Variants in HMGA2 observed in about 807,000 individuals in gnomAD.
HMGA2 encodes high mobility group AT-hook 2.
Under a neutral mutation model 19.1 loss-of-function variants are expected in HMGA2, and 8 were observed. That is an observed-to-expected ratio of 0.42 (90% CI 0.25 to 0.76). The LOEUF (loss-of-function observed/expected upper bound fraction) is 0.76. HMGA2 is among the 30% of genes least tolerant of loss of function. The pLI is 0.28. For missense variants in HMGA2, 109 were observed against 136.3 expected, an observed-to-expected ratio of 0.80 and a Z score of 1.00; for synonymous variants, 60 against 48.8, an observed-to-expected ratio of 1.23 and a Z score of -0.96.
At chr12:65,903,523 A>T (rs1273756793) in intron 3 of HMGA2, among the ~76,000 whole-genome samples, 1 of 152,260 alleles carries the variant, frequency 6.6e-6, no homozygotes, top group African/African-American at 2.4e-5. Context: ...CAGAATGAAC[A>T]TACTGAGACA....
At chr12:65,892,899 G>A (rs538975605) in intron 3 of HMGA2, among the ~76,000 whole-genome samples, 5 of 152,150 alleles carry the variant, frequency 3.3e-5, no homozygotes, top group South Asian at 4.1e-4. Flanking sequence ...TCTTTCAAGC[G>A]GCGGAAACCT....
At position 65,964,299 on chromosome 12, in the gene HMGA2, A is replaced by AGGG. The variant is rs1555189598; in HGVS notation, c.*1007_*1008insGGG. 2 of 206,128 alleles carry AGGG rather than the reference A, an allele frequency of 9.7e-6. No individual in the cohort carries two copies. The highest frequency in any genetic ancestry group is 2.0e-5 in the Non-Finnish European group (2 of 102,224). 12.8% of individuals were successfully genotyped at this position (206,128 alleles called of 1,614,324 possible). ...ATCAATTTAAAAAGCAAAAAAAAAA[A>AGGG]AGGGGGGGGCAATCTCTCTCTGTGT... On this transcript the variant is annotated 3_prime_UTR_variant, in exon 5 of 5. Coordinates refer to ENST00000403681, the MANE Select transcript of HMGA2 (RefSeq NM_003483.6).
At chr12:65,846,850 T>C (rs192490510) in intron 3 of HMGA2, among the ~76,000 whole-genome samples, 1 of 152,274 alleles carries the variant, frequency 6.6e-6, no homozygotes, top group East Asian at 1.9e-4. Context: ...GAATTTATAG[T>C]CTGGGGAGCT....
intron 3 of HMGA2, among the ~76,000 whole-genome samples, chr12:65,926,954 T>C (rs1282171748): frequency 6.6e-6 from 1 of 152,204 alleles, no homozygotes. Context: ...CATGCAGTAA[T>C]CAGGGGTCTT....
chr12:65,835,630 T>A (rs1870682974), intron 2 of HMGA2, among the ~76,000 whole-genome samples: 1 of 152,202 alleles, frequency 6.6e-6, no homozygotes, highest in African/African-American at 2.4e-5. Context: ...TTAAAAGTCA[T>A]CTTATTTGCA....
rs114751485 is a variant in HMGA2 at position 65,875,841 on chromosome 12, T to C, written c.249+37272T>C. Among the ~76,000 whole-genome samples, 520 of 152,088 alleles carry C rather than the reference T, an allele frequency of 3.4e-3. 2 individuals are homozygous for C. Among genetic ancestry groups the C allele is most frequent in the African/African-American group, 0.012 (499 of 41,542 alleles). On this transcript the variant is annotated intron_variant, in intron 3 of 4. Coordinates refer to ENST00000403681, the MANE Select transcript of HMGA2 (RefSeq NM_003483.6). ...CAACTTGGTGGATGTTTTTCTTTTTTTATTTGCTTTTTTTCTTTGAATTAT... is the reference window on the plus strand; with the variant it reads ...CAACTTGGTGGATGTTTTTCTTTTTCTATTTGCTTTTTTTCTTTGAATTAT...
rs796392228 is a variant in HMGA2 at position 65,902,494 on chromosome 12, AC to A, written c.250-48885del. On this transcript the variant is annotated intron_variant, in intron 3 of 4. Transcript: ENST00000403681. ...TCTGTCTTTTCTGAAAAAATGTTTTACCCCAAGAGCCCTTGAAAAAGAAAAC... is the reference window on the plus strand; with the variant it reads ...TCTGTCTTTTCTGAAAAAATGTTTTACCCAAGAGCCCTTGAAAAAGAAAAC... Among the ~76,000 whole-genome samples, 26 of 152,218 alleles carry A rather than the reference AC, an allele frequency of 1.7e-4. 1 individual carries two copies. The highest frequency in any genetic ancestry group is 6.3e-4 in the African/African-American group (26 of 41,550).
At chr12:65,933,787 A>G (rs1306228793) in intron 3 of HMGA2, among the ~76,000 whole-genome samples, 2 of 152,140 alleles carry the variant, frequency 1.3e-5, no homozygotes, top group African/African-American at 4.8e-5. Context: ...TTTTTCCCTA[A>G]TCACTAAATG....
intron 2 of HMGA2, among the ~76,000 whole-genome samples, chr12:65,835,341 T>C (rs1870671221): frequency 6.6e-6 from 1 of 152,188 alleles, no homozygotes; most frequent in South Asian, 2.1e-4. Flanking sequence ...AAACCCTAAC[T>C]TGTTTTGCAG....
intron 3 of HMGA2, among the ~76,000 whole-genome samples, chr12:65,897,322 G>T (rs1874174360): frequency 6.6e-6 from 1 of 152,008 alleles, no homozygotes. Context: ...TTTTTTTGAT[G>T]AAAAGAAACT....
At chr12:65,902,520 C>T (rs1018483692) in intron 3 of HMGA2, among the ~76,000 whole-genome samples, 1 of 152,080 alleles carries the variant, frequency 6.6e-6, no homozygotes, top group African/African-American at 2.4e-5. Context: ...AAAAAGAAAA[C>T]AACCAAAAAT....
chr12:65,914,636 A>G, intron 3 of HMGA2: 1 of 284,254 alleles, frequency 3.5e-6, no homozygotes, highest in Non-Finnish European at 6.9e-6. Context: ...TAAAACTTAA[A>G]GTATAATTAA....
At chr12:65,834,353 G>T (rs1200698947) in intron 2 of HMGA2, among the ~76,000 whole-genome samples, 1 of 152,158 alleles carries the variant, frequency 6.6e-6, no homozygotes, top group Non-Finnish European at 1.5e-5. Context: ...ATATCATGGG[G>T]CTATGTCTTT....
intron 3 of HMGA2, among the ~76,000 whole-genome samples, chr12:65,929,935 G>C (rs1384044746): frequency 6.6e-6 from 1 of 152,152 alleles, no homozygotes; most frequent in Admixed American, 6.5e-5. Flanking sequence ...TATGGGATAT[G>C]TGGCGAGGAA....
chr12:65,842,383 T>C, intron 3 of HMGA2: 1 of 622,638 alleles, frequency 1.6e-6, no homozygotes, highest in East Asian at 2.8e-5. Context: ...TACACTTTCA[T>C]TTTGACATTA....
intron 3 of HMGA2, among the ~76,000 whole-genome samples, chr12:65,949,707 C>G (rs1876391007): frequency 6.6e-6 from 1 of 152,130 alleles, no homozygotes; most frequent in Admixed American, 6.5e-5. Flanking sequence ...GAGTTTTGCT[C>G]TACACATACA....
At chr12:65,956,960 A>C (rs1362070446) in intron 4 of HMGA2, 2 of 152,202 alleles carry the variant, frequency 1.3e-5, no homozygotes, top group African/African-American at 2.4e-5. Flanking sequence ...AAAATCCTTA[A>C]TGGTTGCATA....
At chr12:65,929,983 G>C (rs1237241954) in intron 3 of HMGA2, among the ~76,000 whole-genome samples, 1 of 152,022 alleles carries the variant, frequency 6.6e-6, no homozygotes, top group Non-Finnish European at 1.5e-5. Context: ...ACTGTAGAGG[G>C]GGGAAACCAT....
intron 2 of HMGA2, 48 bp from the exon 3 acceptor site, chr12:65,838,470 TA>T (rs1270940072): frequency 7.1e-7 from 1 of 1,415,422 alleles, no homozygotes; most frequent in African/African-American, 1.4e-5. Flanking sequence ...GCAGTACTTA[TA>T]AACAATGTCA....
Sources: gnomAD v4.1 joint callset for allele counts (sites outside exome capture counted in the v4.1 genomes callset) on GRCh38, gnomAD v4.1.1 for gene constraint, MANE v1.5 for transcripts, NCBI Gene and HGNC (gene_info 2026-07-23, HGNC 2026-07-21) for gene names.